Variants in MELK observed in about 807,000 individuals in gnomAD.
MELK encodes maternal embryonic leucine zipper kinase.
Under a neutral mutation model 85.0 loss-of-function variants are expected in MELK, and 81 were observed. The ratio of observed to expected loss-of-function variants is 0.95; its 90% CI spans 0.80 to 1.15. MELK has a LOEUF of 1.15. MELK is among the 50% of genes most tolerant of loss of function. The pLI is 0.00. For missense variants in MELK, 754 were observed against 777.5 expected (o/e 0.97, Z 0.36); for synonymous variants, 252 against 265.0 (o/e 0.95, Z 0.48).
chr9:36,633,992 T>C (rs982136369), intron 10 of MELK, among the ~76,000 whole-genome samples: 1 of 152,252 alleles, frequency 6.6e-6, no homozygotes, highest in Non-Finnish European at 1.5e-5. Context: ...TCTGAAGCCA[T>C]ATCAATGAAA....
Position 36,587,306 on chromosome 9 carries a change from G to A in MELK, c.145-2230G>A, listed in dbSNP as rs555546029. On this transcript the variant is annotated intron_variant, in intron 3 of 17. Transcript: ENST00000298048. ...GTCCTGAGACACTGGCCATTAAGAC[G>A]GAGTCCCTTTTTATTTTATTTGTTT... Among the ~76,000 whole-genome samples, 6 of 151,026 alleles carry A rather than the reference G, an allele frequency of 4.0e-5. No homozygotes were observed. In the East Asian group the frequency reaches 9.9e-4, roughly 25 times the overall value.
rs897353633 is a variant in MELK at position 36,624,857 on chromosome 9, T to C, written c.667-5442T>C. ...TTTTTTATTATGATAGATCTGGTTA[T>C]GGGCCTGTTATTTGTGTGTTGGAGC... On this transcript the variant is annotated intron_variant, in intron 8 of 17. Coordinates refer to ENST00000298048, the MANE Select transcript of MELK (RefSeq NM_014791.4). Among the ~76,000 whole-genome samples, 13 of 152,292 alleles carry C rather than the reference T, an allele frequency of 8.5e-5. No individual in the cohort carries two copies. In the South Asian group the frequency reaches 2.7e-3, roughly 32 times the overall value.
At chr9:36,615,503 C>T (rs1364027440) in intron 8 of MELK, among the ~76,000 whole-genome samples, 1 of 136,342 alleles carries the variant, frequency 7.3e-6, no homozygotes, top group African/African-American at 2.8e-5. Context: ...GACCCCCCCC[C>T]ACCTCCCTCC....
intron 8 of MELK, 109 bp from the exon 9 acceptor site, chr9:36,630,190 G>T: frequency 2.5e-6 from 2 of 802,322 alleles, no homozygotes; most frequent in South Asian, 1.6e-5. Context: ...AAGTATTGTA[G>T]TTGGGTGAAG....
intron 1 of MELK, among the ~76,000 whole-genome samples, chr9:36,573,845 G>A (rs986399498): frequency 6.6e-6 from 1 of 152,020 alleles, no homozygotes; most frequent in African/African-American, 2.4e-5. Context: ...ATCAGTAATA[G>A]GAGCAGCAGG....
intron 1 of MELK, among the ~76,000 whole-genome samples, chr9:36,578,538 T>G (rs1484790653): frequency 2.0e-5 from 3 of 151,732 alleles, no homozygotes; most frequent in Non-Finnish European, 4.4e-5. Context: ...AGTCTCAGAG[T>G]GAGTTGAAAG....
intron 13 of MELK, among the ~76,000 whole-genome samples, chr9:36,662,913 G>A (rs1831995109): frequency 6.6e-6 from 1 of 152,146 alleles, no homozygotes; most frequent in Non-Finnish European, 1.5e-5. Context: ...TCTGTGGATA[G>A]TGTCCTCTGG....
chr9:36,634,011 T>C (rs909044563), intron 10 of MELK, among the ~76,000 whole-genome samples: 5 of 152,268 alleles, frequency 3.3e-5, no homozygotes, highest in South Asian at 2.1e-4. Context: ...AATTTTGTAC[T>C]GTATTCCATA....
chr9:36,581,739 G>C lies in MELK; in HGVS notation c.58G>C (p.Gly20Arg). ...YYELHETIGT[G>R]GFAKVKLACH... ...TGAATTACATGAAACTATTGGGACA[G>C]GTAATTGTTATTTTTTTTTGGAGGC... Residue 20 changes from glycine to arginine, a missense_variant and splice_region_variant, in exon 2 of 18, where the codon GGT (glycine) becomes CGT (arginine). Gly to Arg is a moderately radical substitution (Grantham distance 125). Coordinates refer to ENST00000298048, the MANE Select transcript of MELK (RefSeq NM_014791.4). 6.3e-7 allele frequency: 1 copy of C among 1,589,596 alleles called. No individual in the cohort carries two copies. The highest frequency in any genetic ancestry group is 8.6e-7 in the Non-Finnish European group (1 of 1,159,404).
intron 8 of MELK, among the ~76,000 whole-genome samples, chr9:36,617,180 A>G (rs370410154): frequency 4.6e-5 from 7 of 152,150 alleles, no homozygotes; most frequent in Non-Finnish European, 8.8e-5. Flanking sequence ...GGTTTATGCA[A>G]CTACCAACAG....
intron 1 of MELK, among the ~76,000 whole-genome samples, chr9:36,580,635 A>T (rs1160252616): frequency 3.3e-4 from 48 of 144,738 alleles, no homozygotes; most frequent in African/African-American, 8.2e-4. Context: ...TTTTTTTTTT[A>T]AATTATTTTT....
intron 6 of MELK, 90 bp downstream of exon 6, chr9:36,597,380 A>G: frequency 1.6e-6 from 2 of 1,225,038 alleles, no homozygotes; most frequent in Non-Finnish European, 2.4e-6. Context: ...CTTATTCTTT[A>G]TTGAGCTTGG....
At chr9:36,596,579 TTGTTTTTTTTG>T (rs1269065837) in intron 5 of MELK, among the ~76,000 whole-genome samples, 1,984 of 105,104 alleles carry the variant, frequency 0.019, 329 homozygotes, top group African/African-American at 0.11. Context: ...TTTGTTTTTT[TTGTTTTTTTTG>T]TTTTTTTTTT....
rs1217737150 is a variant in MELK at position 36,581,671 on chromosome 9, G to C, written c.-11G>C. ...TCTTTTTCTAATTCCAAATAAACTT[G>C]CAAGAGGACTATGAAAGATTATGAT... is the stretch of plus-strand genomic sequence containing the variant. On this transcript the variant is annotated 5_prime_UTR_variant, in exon 2 of 18. Coordinates refer to ENST00000298048, the MANE Select transcript of MELK (RefSeq NM_014791.4). 6.4e-7 allele frequency: 1 copy of C among 1,564,308 alleles called. No individual in the cohort carries two copies. Among genetic ancestry groups the C allele is most frequent in the Non-Finnish European group, 8.8e-7 (1 of 1,136,862 alleles).
intron 14 of MELK, among the ~76,000 whole-genome samples, chr9:36,666,870 TG>T (rs1284438803): frequency 3.0e-5 from 4 of 131,486 alleles, no homozygotes; most frequent in African/African-American, 1.2e-4. Flanking sequence ...TGTGTGTGTG[TG>T]TGTGTGTGTG....
chr9:36,643,788 G>T (rs561691606), intron 11 of MELK, among the ~76,000 whole-genome samples: 9 of 152,008 alleles, frequency 5.9e-5, no homozygotes, highest in Non-Finnish European at 1.2e-4. Context: ...CAAAAAATTA[G>T]CCGGGCGTTG....
At chr9:36,621,603 C>T (rs926007934) in intron 8 of MELK, among the ~76,000 whole-genome samples, 6 of 152,120 alleles carry the variant, frequency 3.9e-5, no homozygotes, top group Non-Finnish European at 8.8e-5. Context: ...TCTTAGGAAA[C>T]AGGGCCAGAG....
At chr9:36,645,609 T>C (rs1830152786) in intron 11 of MELK, among the ~76,000 whole-genome samples, 1 of 152,212 alleles carries the variant, frequency 6.6e-6, no homozygotes, top group Non-Finnish European at 1.5e-5. Context: ...GGTTATAGGC[T>C]ACTCACTCTA....
chr9:36,627,186 G>C lies in MELK; in HGVS notation c.667-3113G>C, dbSNP rs73437001. On this transcript the variant is annotated intron_variant, in intron 8 of 17. Coordinates refer to ENST00000298048, the MANE Select transcript of MELK (RefSeq NM_014791.4). Reference sequence around the variant, plus strand: ...TTGGGGTTCTCTGTTCTTATGAACTGTCTAGGATATAATTCTTACAGAATC... The same window carrying C: ...TTGGGGTTCTCTGTTCTTATGAACTCTCTAGGATATAATTCTTACAGAATC... Among the ~76,000 whole-genome samples, 1,060 of 152,116 alleles carry C rather than the reference G, an allele frequency of 7.0e-3. 15 individuals are homozygous for C. Among genetic ancestry groups the C allele is most frequent in the African/African-American group, 0.025 (1,026 of 41,494 alleles).
Sources: allele counts gnomAD v4.1 joint callset (sites outside exome capture counted in the v4.1 genomes callset), GRCh38; gene constraint gnomAD v4.1.1; transcripts MANE v1.5; gene names NCBI Gene and HGNC (gene_info 2026-07-23, HGNC 2026-07-21).